LIFR: variants seen among roughly 807,000 people sequenced by gnomAD.
LIFR encodes leukemia inhibitory factor receptor.
In LIFR, 84 loss-of-function variants were observed where a neutral mutation model predicts 122.2. The ratio of observed to expected loss-of-function variants is 0.69; its 90% CI spans 0.58 to 0.82. LIFR has a LOEUF of 0.82. Among genes scored for constraint, LIFR ranks in the 40% least tolerant of loss-of-function variants. The probability of loss-of-function intolerance (pLI) is 0.00; values close to 1 mark genes in which losing one functional copy is unlikely to be tolerated. For synonymous variants in LIFR, 422 were observed against 434.7 expected (o/e 0.97, Z 0.36); for missense variants, 1,294 against 1,311.6 (o/e 0.99, Z 0.21).
At chr5:38,502,983 T>C (rs554833489) in intron 10 of LIFR, among the ~76,000 whole-genome samples, 184 bp from the exon 11 acceptor site, 3 of 152,246 alleles carry the variant, frequency 2.0e-5, no homozygotes, top group African/African-American at 7.2e-5. Flanking sequence ...TGTAATATTT[T>C]AATTCTTATA....
chr5:38,580,645 A>C (rs1454746208), intron 1 of LIFR, among the ~76,000 whole-genome samples: 1 of 152,072 alleles, frequency 6.6e-6, no homozygotes, highest in Non-Finnish European at 1.5e-5. Context: ...ACCTAACCTC[A>C]CATCTGCCTC....
chr5:38,517,948 A>C lies in LIFR; in HGVS notation c.561+5471T>G, dbSNP rs117432681. ...AGTGAGACCCCATCTCTATGAAAAA[A>C]AAAAAAACAAACAAAAAAAAACAGC... is the stretch of plus-strand genomic sequence containing the variant. On this transcript the variant is annotated intron_variant, in intron 5 of 19. Transcript: ENST00000453190. 0.014 allele frequency among the ~76,000 whole-genome samples: 2,035 copies of C among 148,718 alleles called. 170 individuals carry two copies. The East Asian group carries it at 0.25, about 18-fold the overall frequency.
intron 14 of LIFR, among the ~76,000 whole-genome samples, chr5:38,493,238 T>G (rs1744695383): frequency 6.6e-6 from 1 of 152,186 alleles, no homozygotes; most frequent in South Asian, 2.1e-4. Flanking sequence ...AACATTTATT[T>G]AATTTTCCAC....
intron 1 of LIFR, among the ~76,000 whole-genome samples, chr5:38,574,476 C>A (rs890623183): frequency 2.0e-5 from 3 of 152,182 alleles, no homozygotes; most frequent in African/African-American, 7.2e-5. Flanking sequence ...GACAAGGACA[C>A]TTTTTTGTTT....
chr5:38,498,572 C>A (rs1256691011), intron 12 of LIFR, among the ~76,000 whole-genome samples: 2 of 152,216 alleles, frequency 1.3e-5, no homozygotes, highest in African/African-American at 4.8e-5. Flanking sequence ...CCCGAACACA[C>A]TCTGACTTGG....
intron 14 of LIFR, among the ~76,000 whole-genome samples, chr5:38,492,919 G>C (rs1323224343): frequency 1.3e-5 from 2 of 152,180 alleles, no homozygotes; most frequent in Non-Finnish European, 2.9e-5. Context: ...CTAAGGACAA[G>C]GCTGGATTAG....
chr5:38,517,855 T>A (rs1580093295), intron 5 of LIFR, among the ~76,000 whole-genome samples: 8 of 4,784 alleles, frequency 1.7e-3, no homozygotes, highest in Admixed American at 2.9e-3. Flanking sequence ...AGACACTGTC[T>A]CAAAAAAAAA....
chr5:38,559,563 T>G (rs1748753902), upstream of LIFR, among the ~76,000 whole-genome samples: 1 of 152,218 alleles, frequency 6.6e-6, no homozygotes, highest in Non-Finnish European at 1.5e-5. Context: ...TGCAATTTCA[T>G]GAAGTGTTGC....
chr5:38,481,390 T>C lies in LIFR; in HGVS notation c.*205A>G, dbSNP rs966334291. ...AAAGAGCTCCCAATCTTGAGTTTTG[T>C]GGATTGAGGATTCTGAGTCACTATA... is the stretch of plus-strand genomic sequence containing the variant. On this transcript the variant is annotated 3_prime_UTR_variant, in exon 20 of 20. Transcript: ENST00000453190. The C allele has an allele frequency of 8.2e-6, 5 of 607,108 alleles. No individual in the cohort carries two copies. Among genetic ancestry groups the C allele is most frequent in the African/African-American group, 7.4e-5 (4 of 53,984 alleles). 37.6% of individuals were successfully genotyped at this position (607,108 alleles called of 1,614,324 possible).
At chr5:38,593,839 A>G (rs975357782) in intron 1 of LIFR, among the ~76,000 whole-genome samples, 4 of 152,148 alleles carry the variant, frequency 2.6e-5, no homozygotes, top group African/African-American at 9.7e-5. Flanking sequence ...TCTAAGAACG[A>G]GGAAGTGGGT....
chr5:38,534,268 C>T (rs1161890220), intron 1 of LIFR, among the ~76,000 whole-genome samples: 1 of 152,170 alleles, frequency 6.6e-6, no homozygotes, highest in Non-Finnish European at 1.5e-5. Flanking sequence ...GTGAAGAAGG[C>T]TTTTCAGGAT....
intron 11 of LIFR, among the ~76,000 whole-genome samples, chr5:38,501,100 CAG>C (rs1329757260): frequency 1.3e-5 from 2 of 152,184 alleles, no homozygotes; most frequent in East Asian, 3.9e-4. Context: ...GACTCCAAGT[CAG>C]AGAGATCCAG....
intron 1 of LIFR, among the ~76,000 whole-genome samples, chr5:38,549,264 C>T (rs1437581284): frequency 1.3e-5 from 2 of 151,802 alleles, no homozygotes; most frequent in Non-Finnish European, 2.9e-5. Context: ...CACACACACA[C>T]ACACACACAC....
intron 2 of LIFR, among the ~76,000 whole-genome samples, chr5:38,605,652 A>C (rs536214133): frequency 4.3e-4 from 66 of 152,346 alleles, no homozygotes; most frequent in African/African-American, 1.6e-3. Flanking sequence ...CTAAGATAAA[A>C]AAAGCTACAT....
chr5:38,485,941 G>T lies in LIFR; in HGVS notation c.2375C>A (p.Ser792Tyr). The change falls in exon 17 of 20, where the codon TCC (serine) becomes TAC (tyrosine). Residue 792 changes from serine to tyrosine, a missense_variant. Physicochemically the swap from Ser to Tyr is moderately radical, Grantham distance 144. Transcript: ENST00000453190. The stretch of plus-strand genomic sequence containing the variant: ...ATCAGCAATTCTCAGTGTCTTCTGG[G>T]ATATGTCAGTAATATTCTTAACTTT... The part of the protein sequence containing the change: ...DIKVKNITDI[S>Y]QKTLRIADLQ... 6.2e-7 allele frequency: 1 copy of T among 1,613,716 alleles called. No individual in the cohort carries two copies. Among genetic ancestry groups the T allele is most frequent in the Non-Finnish European group, 8.5e-7 (1 of 1,179,610 alleles).
At chr5:38,572,526 AT>A (rs1261771299) in intron 1 of LIFR, among the ~76,000 whole-genome samples, 1 of 152,168 alleles carries the variant, frequency 6.6e-6, no homozygotes, top group African/African-American at 2.4e-5. Context: ...TGATTTGAAA[AT>A]CCTTATAAAG....
chr5:38,526,382 T>A lies in LIFR; in HGVS notation c.397+773A>T, dbSNP rs1034433982. 6.6e-5 allele frequency among the ~76,000 whole-genome samples: 10 copies of A among 152,002 alleles called. No homozygotes were observed. In the East Asian group the frequency reaches 1.9e-3, roughly 30 times the overall value. Reference sequence around the variant, plus strand: ...GAAATTAAAAATCTTATGAAGAATTTTTCATGCTTACACATGGTAAGTACA... The same window carrying A: ...GAAATTAAAAATCTTATGAAGAATTATTCATGCTTACACATGGTAAGTACA... On this transcript the variant is annotated intron_variant, in intron 4 of 19. Coordinates refer to ENST00000453190, the MANE Select transcript of LIFR (RefSeq NM_001127671.2).
intron 1 of LIFR, among the ~76,000 whole-genome samples, chr5:38,539,325 T>C (rs1472101515): frequency 6.6e-6 from 1 of 152,152 alleles, no homozygotes; most frequent in Non-Finnish European, 1.5e-5. Flanking sequence ...GGACATCAAT[T>C]TCCCCTTTAG....
intron 2 of LIFR, among the ~76,000 whole-genome samples, chr5:38,604,996 A>G (rs1750296556): frequency 6.6e-6 from 1 of 152,192 alleles, no homozygotes; most frequent in Admixed American, 6.5e-5. Context: ...TTATCAGTAG[A>G]AAGGAATGTC....
Sources: allele counts gnomAD v4.1 joint callset (sites outside exome capture counted in the v4.1 genomes callset), GRCh38; gene constraint gnomAD v4.1.1; transcripts MANE v1.5; gene names NCBI Gene and HGNC (gene_info 2026-07-23, HGNC 2026-07-21).